The following MAD1L1 variants were observed in gnomAD, a reference collection of about 807,000 sequenced individuals.
The protein encoded by MAD1L1 is mitotic spindle assembly checkpoint protein MAD1.
A neutral mutation model predicts 96.9 loss-of-function variants in MAD1L1; 95 were observed. The observed-to-expected ratio is 0.98, with a 90% CI of 0.83 to 1.16. The LOEUF (loss-of-function observed/expected upper bound fraction) is 1.16. MAD1L1 is among the 50% of genes most tolerant of loss of function. The pLI is 0.00. For synonymous variants in MAD1L1, 473 were observed against 396.6 expected (o/e 1.19, Z -2.29); for missense variants, 1,007 against 954.4 (o/e 1.06, Z -0.73).
In MAD1L1 at chr7:1,864,354, TC is replaced by T. The variant is rs1319194154; in HGVS notation, c.1998+33845del. On this transcript the variant is annotated intron_variant, in intron 18 of 18. Coordinates refer to ENST00000265854, the MANE Select transcript of MAD1L1 (RefSeq NM_001013836.2). ...CCGGGGCCCCTTTCCTGGACGGGAC[TC>T]GGGGGAACTTGCCTTTGGCCAGAGC... Among the ~76,000 whole-genome samples, 6 of 152,188 alleles carry T rather than the reference TC, an allele frequency of 3.9e-5. No individual in the cohort carries two copies. In the East Asian group the frequency reaches 1.2e-3, roughly 29 times the overall value.
chr7:1,942,248 A>T (rs12699486), intron 16 of MAD1L1, among the ~76,000 whole-genome samples: 3 of 152,020 alleles, frequency 2.0e-5, no homozygotes, highest in Admixed American at 1.3e-4. Context: ...ACACTCAGCA[A>T]GTGGAGGGGA....
At chr7:1,921,432 C>A (rs965745627) in intron 17 of MAD1L1, among the ~76,000 whole-genome samples, 2 of 152,040 alleles carry the variant, frequency 1.3e-5, no homozygotes, top group Non-Finnish European at 2.9e-5. Flanking sequence ...GATTCTCCCA[C>A]CTCAGCATCT....
chr7:2,220,529 C>T (rs1324532075), intron 5 of MAD1L1, among the ~76,000 whole-genome samples: 1 of 152,224 alleles, frequency 6.6e-6, no homozygotes, highest in Non-Finnish European at 1.5e-5. Context: ...GATGTCAGCC[C>T]TGGGGACCAC....
intron 10 of MAD1L1, among the ~76,000 whole-genome samples, chr7:2,158,795 G>A (rs1789963288): frequency 6.6e-6 from 1 of 152,166 alleles, no homozygotes; most frequent in African/African-American, 2.4e-5. Context: ...TGAAGACAGG[G>A]GACTAATGCC....
intron 12 of MAD1L1, among the ~76,000 whole-genome samples, chr7:2,046,698 C>T (rs1214801180): frequency 3.9e-5 from 6 of 152,184 alleles, no homozygotes; most frequent in South Asian, 2.1e-4. Flanking sequence ...AAGGGGTGAG[C>T]GCTGCCCGCC....
chr7:2,218,750 G>A (rs1307257732), intron 6 of MAD1L1, among the ~76,000 whole-genome samples: 1 of 151,990 alleles, frequency 6.6e-6, no homozygotes, highest in Non-Finnish European at 1.5e-5. Flanking sequence ...TCTACAAAAC[G>A]TTTTTTAAAA....
intron 15 of MAD1L1, among the ~76,000 whole-genome samples, chr7:1,963,577 A>G (rs1160085954): frequency 6.6e-6 from 1 of 152,230 alleles, no homozygotes; most frequent in Non-Finnish European, 1.5e-5. Flanking sequence ...CACACCAGTT[A>G]TACCTCAGGA....
intron 15 of MAD1L1, among the ~76,000 whole-genome samples, chr7:1,977,823 G>A (rs992630391): frequency 3.9e-5 from 6 of 152,236 alleles, no homozygotes; most frequent in Non-Finnish European, 7.3e-5. Context: ...GCAGCGTGAC[G>A]CAGGCTCCTG....
chr7:2,218,113 A>C (rs951449800), intron 6 of MAD1L1, 70 bp from the exon 7 acceptor site: 2 of 1,202,170 alleles, frequency 1.7e-6, no homozygotes, highest in African/African-American at 1.5e-5. Context: ...CCTCAGCCTG[A>C]GACCCGCCCC....
intron 11 of MAD1L1, among the ~76,000 whole-genome samples, chr7:2,086,808 G>A (rs1250423057): frequency 6.6e-6 from 1 of 152,190 alleles, no homozygotes; most frequent in African/African-American, 2.4e-5. Flanking sequence ...ACCTGCCTCG[G>A]CCTCCCAAAT....
chr7:1,870,024 G>A (rs1784969643), intron 18 of MAD1L1, among the ~76,000 whole-genome samples: 1 of 152,190 alleles, frequency 6.6e-6, no homozygotes, highest in South Asian at 2.1e-4. Flanking sequence ...GTCCACATTG[G>A]TAGGTGAGGT....
At chr7:1,851,438 C>T (rs1487755288) in intron 18 of MAD1L1, among the ~76,000 whole-genome samples, 2 of 152,152 alleles carry the variant, frequency 1.3e-5, no homozygotes, top group African/African-American at 2.4e-5. Context: ...GTGCCATCCT[C>T]GTGGATGAGA....
Position 1,992,506 on chromosome 7 carries a change from G to C in MAD1L1, c.1416+9559C>G, listed in dbSNP as rs550490340. ...TTGTGGAGAACTGAGCACCTGCCCTGGGATGCTGGATAAAGAGCCCCTGCT... is the reference window on the plus strand; with the variant it reads ...TTGTGGAGAACTGAGCACCTGCCCTCGGATGCTGGATAAAGAGCCCCTGCT... On this transcript the variant is annotated intron_variant, in intron 14 of 18. Coordinates refer to ENST00000265854, the MANE Select transcript of MAD1L1 (RefSeq NM_001013836.2). Among the ~76,000 whole-genome samples the C allele has an allele frequency of 5.9e-5, 9 of 152,358 alleles. No individual in the cohort carries two copies. In the East Asian group the frequency reaches 1.5e-3, roughly 26 times the overall value.
intron 11 of MAD1L1, among the ~76,000 whole-genome samples, chr7:2,123,483 C>T (rs370870704): frequency 1.6e-4 from 24 of 152,102 alleles, no homozygotes; most frequent in African/African-American, 4.1e-4. Flanking sequence ...GGCTGACACC[C>T]GGTGGGCTCT....
At chr7:1,936,133 C>T (rs1400507005) in intron 17 of MAD1L1, among the ~76,000 whole-genome samples, 3 of 152,242 alleles carry the variant, frequency 2.0e-5, no homozygotes, top group African/African-American at 4.8e-5. Context: ...CAGCACCCTC[C>T]GAGGCTTGGC....
chr7:2,230,464 T>G (rs1329382665), intron 2 of MAD1L1, 85 bp downstream of exon 2: 1 of 258,660 alleles, frequency 3.9e-6, no homozygotes, highest in East Asian at 8.2e-5. Context: ...CCAACTGCAC[T>G]GTAAGAGGGT....
At position 1,957,646 on chromosome 7, in the gene MAD1L1, C is replaced by A; in HGVS notation, c.1579G>T (p.Glu527Ter). 1.2e-6 allele frequency: 2 copies of A among 1,614,030 alleles called. No individual in the cohort carries two copies. The highest frequency in any genetic ancestry group is 1.7e-6 in the Non-Finnish European group (2 of 1,180,044). ...EEKRMLEAQL[E>*]RRALQGDYDQ... ...GCCCTCACCTGCAGAGCTCGCCGCTCCAGCTGTGCCTCCAGCATCCTCTTT... is the reference window on the plus strand; with the variant it reads ...GCCCTCACCTGCAGAGCTCGCCGCTACAGCTGTGCCTCCAGCATCCTCTTT... Residue 527 changes from glutamate (E) to a stop codon, truncating the protein, a stop_gained, in exon 16 of 19, where the codon GAG becomes TAG. Transcript: ENST00000265854. LOFTEE classifies it high-confidence loss of function.
chr7:2,056,794 T>A (rs1784405993), intron 12 of MAD1L1, among the ~76,000 whole-genome samples: 1 of 152,202 alleles, frequency 6.6e-6, no homozygotes, highest in Admixed American at 6.5e-5. Flanking sequence ...AAGCGGCCGA[T>A]CGCGGAGAGG....
chr7:2,096,893 C>A (rs983150080), intron 11 of MAD1L1, among the ~76,000 whole-genome samples: 12 of 152,154 alleles, frequency 7.9e-5, no homozygotes, highest in African/African-American at 2.9e-4. Flanking sequence ...AGCCGGTGAC[C>A]CCCGGCCAGC....
Sources: allele counts gnomAD v4.1 joint callset (sites outside exome capture counted in the v4.1 genomes callset), GRCh38; gene constraint gnomAD v4.1.1; transcripts MANE v1.5; gene names NCBI Gene and HGNC (gene_info 2026-07-23, HGNC 2026-07-21).